Variants in MAGI1 observed in about 807,000 individuals in gnomAD.
MAGI1 encodes the protein membrane-associated guanylate kinase, WW and PDZ domain-containing protein 1.
MAGI1 carries 58 observed loss-of-function variants against 139.9 expected under a neutral mutation model. The ratio of observed to expected loss-of-function variants is 0.41; its 90% confidence interval spans 0.34 to 0.52. The LOEUF (loss-of-function observed/expected upper bound fraction) is 0.52. Ranked by LOEUF, MAGI1 falls within the 20% of genes least tolerant of loss-of-function variation. The pLI, the probability that MAGI1 is intolerant of heterozygous loss-of-function variation, is 0.12. For missense variants in MAGI1, 1,874 were observed against 1,901.6 expected, an observed-to-expected ratio of 0.99 and a Z score of 0.27; for synonymous variants, 812 against 737.9, an observed-to-expected ratio of 1.10 and a Z score of -1.63.
chr3:65,910,424 G>A (rs1243413511), intron 1 of MAGI1, among the ~76,000 whole-genome samples: 2 of 152,102 alleles, frequency 1.3e-5, no homozygotes, highest in East Asian at 1.9e-4. Context: ...ATATTCCAGA[G>A]GAAAAACAAG....
intron 1 of MAGI1, among the ~76,000 whole-genome samples, chr3:65,885,177 T>C (rs1389641299): frequency 3.9e-5 from 6 of 152,146 alleles, no homozygotes; most frequent in Non-Finnish European, 8.8e-5. Flanking sequence ...GGTGGGCAGA[T>C]CACCTGAGGT....
At chr3:65,809,816 T>A (rs953507015) in intron 1 of MAGI1, among the ~76,000 whole-genome samples, 1 of 152,152 alleles carries the variant, frequency 6.6e-6, no homozygotes, top group African/African-American at 2.4e-5. Context: ...AATTAATGAC[T>A]CCTGTCCAGT....
intron 2 of MAGI1, among the ~76,000 whole-genome samples, chr3:65,509,701 C>T (rs952833129): frequency 6.6e-6 from 1 of 152,122 alleles, no homozygotes; most frequent in African/African-American, 2.4e-5. Context: ...TGAGATCAAA[C>T]TGCAAGGCGG....
At chr3:65,478,885 A>G (rs1951068447) in intron 3 of MAGI1, 87 bp from the exon 4 acceptor site, 1 of 993,444 alleles carries the variant, frequency 1.0e-6, no homozygotes. Flanking sequence ...CTCTAGGCAC[A>G]TTAAAAAAAA....
chr3:65,549,513 G>A (rs911882876), intron 2 of MAGI1: 1 of 984,184 alleles, frequency 1.0e-6, no homozygotes, highest in Non-Finnish European at 1.2e-6. Flanking sequence ...GCGGCCCGGC[G>A]GCAGCTGCTC....
At chr3:65,888,820 T>C (rs1490656944) in intron 1 of MAGI1, among the ~76,000 whole-genome samples, 1 of 152,110 alleles carries the variant, frequency 6.6e-6, no homozygotes, top group Non-Finnish European at 1.5e-5. Flanking sequence ...CCACAAAATC[T>C]GACAGATGGA....
chr3:65,721,560 G>A (rs976862184), intron 1 of MAGI1, among the ~76,000 whole-genome samples: 10 of 152,154 alleles, frequency 6.6e-5, no homozygotes, highest in Non-Finnish European at 1.3e-4. Flanking sequence ...TCTTATTTTG[G>A]TAGACAAAAC....
intron 1 of MAGI1, among the ~76,000 whole-genome samples, chr3:65,705,999 C>A (rs1017863209): frequency 1.3e-5 from 2 of 152,148 alleles, no homozygotes; most frequent in African/African-American, 4.8e-5. Flanking sequence ...GTAACAAATC[C>A]TTCTGTAAAG....
intron 2 of MAGI1, among the ~76,000 whole-genome samples, chr3:65,498,183 T>A (rs1204607775): frequency 6.6e-6 from 1 of 151,344 alleles, no homozygotes; most frequent in Non-Finnish European, 1.5e-5. Flanking sequence ...ACAATTATTA[T>A]AAACCATGCT....
At position 65,897,896 on chromosome 3, in the gene MAGI1, G is replaced by A. The variant is rs2061048887; in HGVS notation, c.313+140100C>T. 6.2e-5 allele frequency among the ~76,000 whole-genome samples: 7 copies of A among 112,518 alleles called. No homozygotes were observed. In the South Asian group the frequency reaches 2.7e-3, roughly 43 times the overall value. The allele number at this position is 112,518 out of a possible 152,430, so 73.8% of individuals were successfully genotyped here. A position where few individuals can be genotyped will look rare whatever the true frequency, so the allele number is the denominator to read the frequency against. The stretch of plus-strand genomic sequence containing the variant: ...AAAAAAAGAAAGAAAGGAAAAGGGG[G>A]GAAAAAAAAAACTTAATGGAAAGCA... On this transcript the variant is annotated intron_variant, in intron 1 of 22. Coordinates refer to ENST00000402939, the MANE Select transcript of MAGI1 (RefSeq NM_001033057.2).
At chr3:66,029,704 C>G (rs994889488) in intron 1 of MAGI1, among the ~76,000 whole-genome samples, 1 of 152,156 alleles carries the variant, frequency 6.6e-6, no homozygotes, top group African/African-American at 2.4e-5. Context: ...CTGGAACTTC[C>G]TGGGAGCACC....
intron 1 of MAGI1, among the ~76,000 whole-genome samples, chr3:65,815,374 T>G (rs2041535341): frequency 6.6e-6 from 1 of 152,184 alleles, no homozygotes; most frequent in African/African-American, 2.4e-5. Context: ...CTGAGCAGTT[T>G]CAAGGATCTA....
intron 2 of MAGI1, among the ~76,000 whole-genome samples, chr3:65,509,654 C>T (rs111734253): frequency 0.026 from 3,916 of 152,232 alleles, 152 homozygotes; most frequent in African/African-American, 0.089. Context: ...GAGGGTCCTA[C>T]GCCCACGGAA....
chr3:65,862,291 C>T (rs1481372305), intron 1 of MAGI1, among the ~76,000 whole-genome samples: 1 of 152,090 alleles, frequency 6.6e-6, no homozygotes, highest in Non-Finnish European at 1.5e-5. Context: ...AAGAGCAGTA[C>T]CTATTCTCAT....
intron 1 of MAGI1, among the ~76,000 whole-genome samples, chr3:65,631,706 T>C (rs9846413): frequency 0.048 from 7,328 of 152,244 alleles, 584 homozygotes; most frequent in African/African-American, 0.17. Flanking sequence ...GGCAATATTA[T>C]GAGTTTCATG....
intron 1 of MAGI1, among the ~76,000 whole-genome samples, chr3:65,672,464 T>C (rs2086921670): frequency 6.6e-6 from 1 of 152,336 alleles, no homozygotes; most frequent in Admixed American, 6.5e-5. Context: ...ATTATATCGG[T>C]TTAGGTCACA....
chr3:65,894,101 C>A (rs2060874193), intron 1 of MAGI1, among the ~76,000 whole-genome samples: 1 of 152,154 alleles, frequency 6.6e-6, no homozygotes, highest in Non-Finnish European at 1.5e-5. Context: ...ATCACATGGC[C>A]ACCCCTCCAT....
At chr3:65,515,865 A>C (rs1479099219) in intron 2 of MAGI1, among the ~76,000 whole-genome samples, 1 of 152,226 alleles carries the variant, frequency 6.6e-6, no homozygotes, top group South Asian at 2.1e-4. Flanking sequence ...TGGCACTTAC[A>C]TGCTTCAGGT....
rs753622776 is a variant in MAGI1 at position 65,586,363 on chromosome 3, T to G, written c.430+35609A>C. On this transcript the variant is annotated intron_variant, in intron 2 of 22. Coordinates refer to ENST00000402939, the MANE Select transcript of MAGI1 (RefSeq NM_001033057.2). ...GGAATAGAAAATGGATATAATTGCT[T>G]GGAGGAGGTGGAAAGGATTGACTAC... 3.0e-4 allele frequency among the ~76,000 whole-genome samples: 46 copies of G among 152,096 alleles called. 1 individual carries two copies. Among genetic ancestry groups the G allele is most frequent in the Non-Finnish European group, 1.0e-4 (7 of 68,016 alleles).
Sources: gnomAD v4.1 joint callset for allele counts (sites outside exome capture counted in the v4.1 genomes callset) on GRCh38, gnomAD v4.1.1 for gene constraint, MANE v1.5 for transcripts, NCBI Gene and HGNC (gene_info 2026-07-23, HGNC 2026-07-21) for gene names.